STRN: variants seen among roughly 807,000 people sequenced by gnomAD.
The protein encoded by STRN is protein phosphatase 2 regulatory subunit B'''alpha.
A neutral mutation model predicts 96.3 loss-of-function variants in STRN; 53 were observed. That is an observed-to-expected ratio of 0.55 (90% CI 0.44 to 0.69). The LOEUF (loss-of-function observed/expected upper bound fraction) is 0.69. STRN is among the 30% of genes least tolerant of loss of function. The pLI, the probability that STRN is intolerant of heterozygous loss-of-function variation, is 0.00. For missense variants in STRN, 987 were observed against 963.9 expected, an observed-to-expected ratio of 1.02 and a Z score of -0.32; for synonymous variants, 428 against 355.9, an observed-to-expected ratio of 1.20 and a Z score of -2.28.
chr2:36,915,248 T>A (rs1278284102), intron 3 of STRN, among the ~76,000 whole-genome samples: 2 of 103,622 alleles, frequency 1.9e-5, no homozygotes, highest in East Asian at 4.8e-4. Flanking sequence ...TATATATATA[T>A]ATATATATAT....
chr2:36,849,937 A>G (rs1483255770), intron 16 of STRN, 137 bp from the exon 17 acceptor site: 8 of 785,484 alleles, frequency 1.0e-5, no homozygotes, highest in Non-Finnish European at 1.6e-5. Flanking sequence ...CCATCACCTA[A>G]AACAACATGT....
In STRN at chr2:36,858,331, G is replaced by A. The variant is rs2717498; in HGVS notation, c.1670-308C>T. On this transcript the variant is annotated intron_variant, in intron 13 of 17. Coordinates refer to ENST00000263918, the MANE Select transcript of STRN (RefSeq NM_003162.4). ...AAATATTTTTAAAGCACGTTGATAC[G>A]AAATCATTTGAATTTAATTCATCTT... is the stretch of plus-strand genomic sequence containing the variant. Among the ~76,000 whole-genome samples, 142,679 of 152,214 alleles carry A rather than the reference G, an allele frequency of 0.94. 67,568 individuals are homozygous for A. Among genetic ancestry groups the A allele is most frequent in the East Asian group, 1 (5,180 of 5,180 alleles).
At position 36,846,894 on chromosome 2, in the gene STRN, CTAT is replaced by C. The variant is rs1264975901; in HGVS notation, c.*2559_*2561del. Reference sequence around the variant, plus strand: ...TCCAAACCTCCCGCTAATTTTCATACTATTCCAATACATTTCAAACAAAATATT... The same window carrying C: ...TCCAAACCTCCCGCTAATTTTCATACTCCAATACATTTCAAACAAAATATT... On this transcript the variant is annotated 3_prime_UTR_variant, in exon 18 of 18. Transcript: ENST00000263918. 6.6e-6 allele frequency: 1 copy of C among 152,124 alleles called. No individual in the cohort carries two copies. The highest frequency in any genetic ancestry group is 1.5e-5 in the Non-Finnish European group (1 of 68,024). 9.4% of individuals were successfully genotyped at this position (152,124 alleles called of 1,614,324 possible).
rs1667894046 is a variant in STRN, at chr2:36,839,372, G to T, written c.*10084C>A. The stretch of plus-strand genomic sequence containing the variant: ...AACTAGAACTGTGTGGCATATAGCT[G>T]GCACTCAAATATTAAGGAAAGTAGT... On this transcript the variant is annotated 3_prime_UTR_variant, in exon 18 of 18. Coordinates refer to ENST00000263918, the MANE Select transcript of STRN (RefSeq NM_003162.4). 2.0e-5 allele frequency among the ~76,000 whole-genome samples: 3 copies of T among 152,038 alleles called. No individual in the cohort carries two copies. The South Asian group carries it at 6.2e-4, about 32-fold the overall frequency.
chr2:36,862,933 C>A (rs1224200358), intron 12 of STRN, among the ~76,000 whole-genome samples: 2 of 152,144 alleles, frequency 1.3e-5, no homozygotes, highest in Non-Finnish European at 1.5e-5. Flanking sequence ...GACGCGGTTT[C>A]ACCGTGGTCT....
chr2:36,928,842 G>C (rs903791921), intron 1 of STRN, among the ~76,000 whole-genome samples: 5 of 151,088 alleles, frequency 3.3e-5, no homozygotes, highest in East Asian at 3.9e-4. Context: ...CCAGCTACTT[G>C]GGAGGCTGAG....
At chr2:36,897,129 T>C (rs1429704013) in intron 6 of STRN, among the ~76,000 whole-genome samples, 1 of 151,008 alleles carries the variant, frequency 6.6e-6, no homozygotes, top group African/African-American at 2.4e-5. Context: ...ATTACACCAC[T>C]GCACTCCAGC....
intron 14 of STRN, among the ~76,000 whole-genome samples, chr2:36,855,667 A>C (rs1572624345): frequency 6.6e-6 from 1 of 152,176 alleles, no homozygotes; most frequent in East Asian, 1.9e-4. Flanking sequence ...CTTCCGCCCA[A>C]CCTCAAGCTT....
intron 14 of STRN, among the ~76,000 whole-genome samples, chr2:36,856,191 A>T (rs541399037): frequency 6.6e-6 from 1 of 152,252 alleles, no homozygotes; most frequent in Non-Finnish European, 1.5e-5. Context: ...ATGCAGAGCA[A>T]CTGGAATGCT....
chr2:36,883,111 A>G (rs1344144698), intron 9 of STRN, among the ~76,000 whole-genome samples: 1 of 152,216 alleles, frequency 6.6e-6, no homozygotes, highest in Non-Finnish European at 1.5e-5. Context: ...TACATGATGT[A>G]GAATAATGCA....
At chr2:36,877,773 T>A (rs930860566) in intron 10 of STRN, 118 bp downstream of exon 10, 1 of 1,115,770 alleles carries the variant, frequency 9.0e-7, no homozygotes, top group Non-Finnish European at 1.3e-6. Flanking sequence ...TGACCTCAAG[T>A]GATCCGCCCA....
At position 36,844,821 on chromosome 2, in the gene STRN, T is replaced by C. The variant is rs555724173; in HGVS notation, c.*4635A>G. ...TTTGTAGTGGCAAAAGTAAAAATGA[T>C]TCAAATTGACGAATGACCTGTCCTT... On this transcript the variant is annotated 3_prime_UTR_variant, in exon 18 of 18. Transcript: ENST00000263918. The C allele has an allele frequency of 6.6e-6, 1 of 152,282 alleles. No homozygotes were observed. Among genetic ancestry groups the C allele is most frequent in the South Asian group, 2.1e-4 (1 of 4,826 alleles). 9.4% of individuals were successfully genotyped at this position (152,282 alleles called of 1,614,324 possible). A position where few individuals can be genotyped will look rare whatever the true frequency, so the allele number is the denominator to read the frequency against.
At chr2:36,914,295 C>T (rs1345084891) in intron 3 of STRN, among the ~76,000 whole-genome samples, 1 of 152,186 alleles carries the variant, frequency 6.6e-6, no homozygotes, top group East Asian at 1.9e-4. Context: ...GCCATGTTTA[C>T]TTACAAACAT....
rs1335208065 is a variant in STRN, at chr2:36,848,171, C to A, written c.*1285G>T. The A allele has an allele frequency of 6.6e-6, 1 of 152,028 alleles. No individual in the cohort carries two copies. The allele number at this position is 152,028 out of a possible 1,614,324, so 9.4% of individuals were successfully genotyped here. ...TTTAAGGTGTGGATTTCCCCAGAAA[C>A]AATACTGATCCACTGCCCATTAAAA... On this transcript the variant is annotated 3_prime_UTR_variant, in exon 18 of 18. Coordinates refer to ENST00000263918, the MANE Select transcript of STRN (RefSeq NM_003162.4).
chr2:36,951,543 T>C (rs561597268), intron 1 of STRN, among the ~76,000 whole-genome samples: 7 of 152,340 alleles, frequency 4.6e-5, no homozygotes, highest in African/African-American at 1.7e-4. Flanking sequence ...ATATCAAAGA[T>C]GTCTGAAACA....
At position 36,843,168 on chromosome 2, in the gene STRN, T is replaced by A. The variant is rs752050140; in HGVS notation, c.*6288A>T. ...GAGGTGTTTCCAACACTACTGAAAA[T>A]GTGTGTACATACCAAAGGATATAAT... On this transcript the variant is annotated 3_prime_UTR_variant, in exon 18 of 18. Coordinates refer to ENST00000263918, the MANE Select transcript of STRN (RefSeq NM_003162.4). Among the ~76,000 whole-genome samples, 1 of 152,108 alleles carries A rather than the reference T, an allele frequency of 6.6e-6. No homozygotes were observed. Among genetic ancestry groups the A allele is most frequent in the African/African-American group, 2.4e-5 (1 of 41,418 alleles).
intron 1 of STRN, among the ~76,000 whole-genome samples, chr2:36,943,398 A>G (rs1382474129): frequency 6.6e-6 from 1 of 151,216 alleles, no homozygotes; most frequent in Non-Finnish European, 1.5e-5. Flanking sequence ...ATATATATAT[A>G]TATAAATATA....
chr2:36,892,151 T>C (rs1669418422), intron 7 of STRN, among the ~76,000 whole-genome samples: 1 of 152,132 alleles, frequency 6.6e-6, no homozygotes, highest in Admixed American at 6.6e-5. Context: ...CTAAGTAAAT[T>C]AACATAGAAA....
chr2:36,960,638 ACTAAGGCTC>A (rs1415912709), intron 1 of STRN, among the ~76,000 whole-genome samples: 1 of 152,200 alleles, frequency 6.6e-6, no homozygotes, highest in Non-Finnish European at 1.5e-5. Context: ...ACATGAGAAA[ACTAAGGCTC>A]TGAGAGATCA....
Sources: allele counts gnomAD v4.1 joint callset (sites outside exome capture counted in the v4.1 genomes callset), GRCh38; gene constraint gnomAD v4.1.1; transcripts MANE v1.5; gene names NCBI Gene and HGNC (gene_info 2026-07-23, HGNC 2026-07-21).